The following XPR1 variants were observed in gnomAD, a reference collection of about 807,000 sequenced individuals.
The protein encoded by XPR1 is solute carrier family 53 member 1.
A neutral mutation model predicts 87.5 loss-of-function variants in XPR1; 28 were observed. The observed-to-expected ratio is 0.32, with a 90% CI of 0.24 to 0.44. The LOEUF (loss-of-function observed/expected upper bound fraction) is 0.44, where lower values mean the gene tolerates loss of function less well. XPR1 is among the 20% of genes least tolerant of loss of function. The probability of loss-of-function intolerance (pLI) is 1.00; values close to 1 mark genes in which losing one functional copy is unlikely to be tolerated. For synonymous variants in XPR1, 300 were observed against 306.1 expected (o/e 0.98, Z 0.21); for missense variants, 559 against 862.3 (o/e 0.65, Z 4.41).
chr1:180,679,587 T>A (rs768486663), intron 1 of XPR1, among the ~76,000 whole-genome samples: 5 of 152,218 alleles, frequency 3.3e-5, no homozygotes, highest in Admixed American at 6.5e-5. Context: ...ATTTTACCAT[T>A]TTGATAGATA....
chr1:180,653,168 T>C (rs1655348191), intron 1 of XPR1, among the ~76,000 whole-genome samples: 1 of 152,154 alleles, frequency 6.6e-6, no homozygotes, highest in African/African-American at 2.4e-5. Flanking sequence ...GTCATTCTCT[T>C]GTTATTTGTA....
intron 11 of XPR1, among the ~76,000 whole-genome samples, chr1:180,849,212 A>C (rs542701242): frequency 1.3e-5 from 2 of 152,318 alleles, no homozygotes; most frequent in South Asian, 4.1e-4. Flanking sequence ...GTTGGCAGAC[A>C]TTATGTCATT....
At chr1:180,633,795 T>C (rs912584888) in intron 1 of XPR1, among the ~76,000 whole-genome samples, 6 of 152,218 alleles carry the variant, frequency 3.9e-5, no homozygotes, top group African/African-American at 1.4e-4. Flanking sequence ...ATGGTTTTTA[T>C]TGAAAGAAGG....
rs140055761 is a variant in XPR1 at position 180,731,338 on chromosome 1, C to T, written c.121+48927C>T. Among the ~76,000 whole-genome samples the T allele has an allele frequency of 2.9e-3, 448 of 152,170 alleles. 3 individuals are homozygous for T. The highest frequency in any genetic ancestry group is 9.7e-3 in the African/African-American group (401 of 41,516). ...GAAGGCTTTAATCAGGTGCTGCGGC[C>T]GAGGGGATGGAAGCTCAGTCTCAAA... On this transcript the variant is annotated intron_variant, in intron 2 of 14. Coordinates refer to ENST00000367590, the MANE Select transcript of XPR1 (RefSeq NM_004736.4).
chr1:180,655,394 C>T (rs1363264554), intron 1 of XPR1, among the ~76,000 whole-genome samples: 2 of 149,306 alleles, frequency 1.3e-5, no homozygotes, highest in Non-Finnish European at 3.0e-5. Flanking sequence ...TAGTCTCTCT[C>T]TCTCTCTTTT....
chr1:180,694,806 A>G (rs1657109647), intron 2 of XPR1, among the ~76,000 whole-genome samples: 1 of 142,980 alleles, frequency 7.0e-6, no homozygotes, highest in Admixed American at 6.9e-5. Context: ...CACACACACC[A>G]TGTTTTCTTT....
chr1:180,711,622 G>C (rs1035006436), intron 2 of XPR1, among the ~76,000 whole-genome samples: 1 of 151,852 alleles, frequency 6.6e-6, no homozygotes, highest in East Asian at 1.9e-4. Flanking sequence ...GAGAGGGAGA[G>C]GGGGGAGAGT....
At chr1:180,874,032 C>A in intron 13 of XPR1, 90 bp downstream of exon 13, 2 of 1,355,356 alleles carry the variant, frequency 1.5e-6, no homozygotes, top group East Asian at 2.5e-5. Context: ...ATAACTTGTA[C>A]TTGAAAACCT....
intron 2 of XPR1, among the ~76,000 whole-genome samples, chr1:180,780,774 A>G (rs1648905269): frequency 6.6e-6 from 1 of 151,820 alleles, no homozygotes; most frequent in Non-Finnish European, 1.5e-5. Context: ...TCTCAAAAAA[A>G]AAAAAAAAGA....
At chr1:180,853,503 A>G (rs1235543745) in intron 11 of XPR1, among the ~76,000 whole-genome samples, 1 of 152,070 alleles carries the variant, frequency 6.6e-6, no homozygotes, top group Non-Finnish European at 1.5e-5. Context: ...CATCTCTATC[A>G]TCTCAGTTTT....
intron 13 of XPR1, among the ~76,000 whole-genome samples, chr1:180,876,741 GT>G (rs1652675363): frequency 1.3e-5 from 2 of 151,834 alleles, no homozygotes; most frequent in South Asian, 4.2e-4. Context: ...GTCAATACCT[GT>G]TCATGAAAAA....
At chr1:180,841,915 A>G (rs1361980043) in intron 11 of XPR1, among the ~76,000 whole-genome samples, 1 of 152,170 alleles carries the variant, frequency 6.6e-6, no homozygotes, top group Non-Finnish European at 1.5e-5. Context: ...TTGACAGAAA[A>G]TTTGACATTG....
chr1:180,787,193 C>T (rs766477442), intron 2 of XPR1, among the ~76,000 whole-genome samples: 2 of 151,770 alleles, frequency 1.3e-5, no homozygotes, highest in Admixed American at 6.6e-5. Flanking sequence ...CACTTGTTTT[C>T]TCCAACATTG....
intron 11 of XPR1, among the ~76,000 whole-genome samples, chr1:180,849,561 A>T (rs1651798259): frequency 1.3e-5 from 2 of 152,232 alleles, no homozygotes; most frequent in South Asian, 4.1e-4. Context: ...AGTGCATGCA[A>T]ACAACAGATG....
Position 180,803,478 on chromosome 1 carries a change from C to T in XPR1, c.314C>T (p.Thr105Ile). The T allele has an allele frequency of 1.2e-6, 2 of 1,614,040 alleles. No homozygotes were observed. Among genetic ancestry groups the T allele is most frequent in the Non-Finnish European group, 1.7e-6 (2 of 1,179,992 alleles). ...LDAQKESTGV[T>I]TLRQRRKPVF... Reference sequence around the variant, plus strand: ...GCACAGAAAGAAAGCACTGGTGTTACTACGCTGCGACAACGCAGAAAGCCA... The same window carrying T: ...GCACAGAAAGAAAGCACTGGTGTTATTACGCTGCGACAACGCAGAAAGCCA... Residue 105 changes from threonine (T) to isoleucine (I), a missense_variant, in exon 4 of 15, where the codon ACT becomes ATT. Physicochemically the swap from Thr to Ile is moderately conservative, Grantham distance 89. Around this residue, in one of 7 missense-constraint regions of XPR1, gnomAD observed 159 missense variants for 263.3 expected, o/e 0.60. Coordinates refer to ENST00000367590, the MANE Select transcript of XPR1 (RefSeq NM_004736.4).
chr1:180,660,114 A>C lies in XPR1; in HGVS notation c.70-22246A>C, dbSNP rs558470558. Among the ~76,000 whole-genome samples, 3 of 152,068 alleles carry C rather than the reference A, an allele frequency of 2.0e-5. No individual in the cohort carries two copies. The South Asian group carries it at 6.2e-4, about 32-fold the overall frequency. ...TCTTGTTTGGTTGTATGTGTCTAGG[A>C]ATTTATCCATTTTCTCTAGATTTTC... On this transcript the variant is annotated intron_variant, in intron 1 of 14. Transcript: ENST00000367590.
intron 2 of XPR1, among the ~76,000 whole-genome samples, chr1:180,765,651 T>G (rs58365677): frequency 0.043 from 6,545 of 152,308 alleles, 501 homozygotes; most frequent in African/African-American, 0.15. Context: ...TTAAATCTTC[T>G]CTGGATTACT....
In XPR1 at chr1:180,849,649, AT is replaced by A. The variant is rs3838270; in HGVS notation, c.1501+12936del. On this transcript the variant is annotated intron_variant, in intron 11 of 14. Coordinates refer to ENST00000367590, the MANE Select transcript of XPR1 (RefSeq NM_004736.4). ...GAATACTACTTCCTCCTACTGAACTATTTGTAAAATCTTAGCAGTCAAGTGA... is the reference window on the plus strand; with the variant it reads ...GAATACTACTTCCTCCTACTGAACTATTGTAAAATCTTAGCAGTCAAGTGA... 4.6e-4 allele frequency among the ~76,000 whole-genome samples: 70 copies of A among 152,352 alleles called. 1 individual carries two copies. The East Asian group carries it at 0.013, about 29-fold the overall frequency.
chr1:180,679,144 G>A (rs916384789), intron 1 of XPR1, among the ~76,000 whole-genome samples: 2 of 152,004 alleles, frequency 1.3e-5, no homozygotes, highest in Admixed American at 6.6e-5. Flanking sequence ...GCAGTGAGCC[G>A]AGATGGCGCC....
Sources: allele counts gnomAD v4.1 joint callset (sites outside exome capture counted in the v4.1 genomes callset), GRCh38; gene constraint gnomAD v4.1.1; regional missense constraint gnomAD v4.1.1; transcripts MANE v1.5; gene names NCBI Gene and HGNC (gene_info 2026-07-23, HGNC 2026-07-21).